Variants in SLC8A1 observed in about 807,000 individuals in gnomAD.
SLC8A1 encodes the protein solute carrier family 8 member A1.
In SLC8A1, 18 loss-of-function variants were observed where a neutral mutation model predicts 68.3. That is an observed-to-expected ratio of 0.26 (90% CI 0.18 to 0.39). The LOEUF (loss-of-function observed/expected upper bound fraction) is 0.39. Ranked by LOEUF, SLC8A1 falls within the 10% of genes least tolerant of loss-of-function variation. The pLI is 1.00. For synonymous variants in SLC8A1, 475 were observed against 415.5 expected (o/e 1.14, Z -1.74); for missense variants, 985 against 1,156.7 (o/e 0.85, Z 2.15).
intron 2 of SLC8A1, among the ~76,000 whole-genome samples, chr2:40,222,309 A>G (rs1358770010): frequency 6.6e-6 from 1 of 152,198 alleles, no homozygotes; most frequent in African/African-American, 2.4e-5. Context: ...GTGTTGGGAA[A>G]ACTGGCTAGC....
intron 2 of SLC8A1, among the ~76,000 whole-genome samples, chr2:40,390,603 G>T (rs577475806): frequency 1.3e-4 from 20 of 151,570 alleles, no homozygotes; most frequent in Non-Finnish European, 2.5e-4. Context: ...AGGTTATTCT[G>T]ATGCCCCCTC....
chr2:40,499,551 C>G (rs769379864), intron 1 of SLC8A1, among the ~76,000 whole-genome samples: 31 of 152,042 alleles, frequency 2.0e-4, no homozygotes, highest in Non-Finnish European at 4.3e-4. Context: ...AAGTATTGGT[C>G]ATTTGTAAGC....
At chr2:40,175,323 C>T in intron 3 of SLC8A1, 42 bp from the exon 4 acceptor site, 1 of 1,591,692 alleles carries the variant, frequency 6.3e-7, no homozygotes, top group South Asian at 1.1e-5. Flanking sequence ...AATAAGAGAC[C>T]AGATGAATAA....
intron 2 of SLC8A1, chr2:40,209,169 A>T (rs1007122578): frequency 2.0e-5 from 3 of 152,102 alleles, no homozygotes; most frequent in African/African-American, 7.2e-5. Flanking sequence ...GGAGATGAGG[A>T]GTAATGAGGT....
intron 2 of SLC8A1, among the ~76,000 whole-genome samples, chr2:40,191,937 A>T (rs1370396553): frequency 6.6e-6 from 1 of 152,162 alleles, no homozygotes; most frequent in African/African-American, 2.4e-5. Flanking sequence ...TCAGAGAATC[A>T]TGTAGGTAGA....
Position 40,120,327 on chromosome 2 carries a change from C to G in SLC8A1, c.2438-4698G>C, listed in dbSNP as rs547361469. ...AAGGTCTGCTTGCTTCTCCCAGCAA[C>G]CAGACCTTGACGTATTCGTTCACTG... On this transcript the variant is annotated intron_variant, in intron 7 of 7. Transcript: ENST00000406785. Among the ~76,000 whole-genome samples, 12 of 152,274 alleles carry G rather than the reference C, an allele frequency of 7.9e-5. No homozygotes were observed. The South Asian group carries it at 2.3e-3, about 29-fold the overall frequency.
intron 2 of SLC8A1, among the ~76,000 whole-genome samples, chr2:40,306,188 C>A (rs2072555680): frequency 6.6e-6 from 1 of 152,110 alleles, no homozygotes; most frequent in African/African-American, 2.4e-5. Context: ...AGTGAGCATC[C>A]ACATTTATGA....
chr2:40,234,714 C>T (rs1204937895), intron 2 of SLC8A1, among the ~76,000 whole-genome samples: 1 of 152,122 alleles, frequency 6.6e-6, no homozygotes, highest in African/African-American at 2.4e-5. Context: ...TTTGCCCATT[C>T]AGTATGATAG....
chr2:40,257,103 C>T (rs1040698944), intron 2 of SLC8A1, among the ~76,000 whole-genome samples: 1 of 152,096 alleles, frequency 6.6e-6, no homozygotes, highest in East Asian at 1.9e-4. Context: ...TACATCTTAT[C>T]ATAATTCTCA....
At chr2:40,382,682 T>C (rs1682255727) in intron 2 of SLC8A1, among the ~76,000 whole-genome samples, 1 of 151,916 alleles carries the variant, frequency 6.6e-6, no homozygotes, top group Admixed American at 6.6e-5. Flanking sequence ...AATCGTATAT[T>C]ATAGGTATGG....
intron 2 of SLC8A1, among the ~76,000 whole-genome samples, chr2:40,187,310 C>A (rs1009568630): frequency 6.6e-6 from 1 of 152,136 alleles, no homozygotes; most frequent in African/African-American, 2.4e-5. Context: ...GGTGGTGGTG[C>A]TATTCTGTAA....
intron 2 of SLC8A1, among the ~76,000 whole-genome samples, chr2:40,265,141 C>G (rs1451667013): frequency 6.6e-6 from 1 of 152,166 alleles, no homozygotes; most frequent in East Asian, 1.9e-4. Flanking sequence ...TGTCCAGGAT[C>G]CTGTATCCTG....
At chr2:40,498,024 A>AT (rs780030678) in intron 1 of SLC8A1, among the ~76,000 whole-genome samples, 42 of 152,080 alleles carry the variant, frequency 2.8e-4, no homozygotes, top group Non-Finnish European at 4.7e-4. Flanking sequence ...GAACTATTGG[A>AT]TTTTGGGACT....
intron 1 of SLC8A1, among the ~76,000 whole-genome samples, chr2:40,465,333 G>C (rs1703603152): frequency 6.6e-6 from 1 of 151,906 alleles, no homozygotes; most frequent in Admixed American, 6.6e-5. Flanking sequence ...TAGTATTTTT[G>C]GCATGCTTAC....
chr2:40,364,384 G>T (rs952062053), intron 2 of SLC8A1, among the ~76,000 whole-genome samples: 11 of 151,044 alleles, frequency 7.3e-5, no homozygotes, highest in Admixed American at 2.0e-4. Flanking sequence ...GTATGTTTAG[G>T]GTAATACACT....
intron 2 of SLC8A1, among the ~76,000 whole-genome samples, chr2:40,246,114 G>C (rs2061834422): frequency 6.6e-6 from 1 of 151,966 alleles, no homozygotes; most frequent in South Asian, 2.1e-4. Flanking sequence ...TTTCTGCTTA[G>C]GCAATACTTA....
At chr2:40,424,723 T>G (rs1696410323) in intron 2 of SLC8A1, among the ~76,000 whole-genome samples, 1 of 151,846 alleles carries the variant, frequency 6.6e-6, no homozygotes, top group African/African-American at 2.4e-5. Context: ...TAATCTAACT[T>G]GCATACTCTG....
chr2:40,206,389 C>A (rs747193729), intron 2 of SLC8A1, among the ~76,000 whole-genome samples: 1 of 152,032 alleles, frequency 6.6e-6, no homozygotes, highest in Non-Finnish European at 1.5e-5. Context: ...ATCCTATTAA[C>A]TCAAAGAGTG....
At chr2:40,444,320 C>G (rs1239764979) in intron 1 of SLC8A1, among the ~76,000 whole-genome samples, 1 of 152,156 alleles carries the variant, frequency 6.6e-6, no homozygotes, top group African/African-American at 2.4e-5. Context: ...GCCTGGGTGA[C>G]AGAGTGAGAC....
Sources: gnomAD v4.1 joint callset for allele counts (sites outside exome capture counted in the v4.1 genomes callset) on GRCh38, gnomAD v4.1.1 for gene constraint, MANE v1.5 for transcripts, NCBI Gene and HGNC (gene_info 2026-07-23, HGNC 2026-07-21) for gene names.